RELN: variants seen among roughly 807,000 people sequenced by gnomAD.
RELN encodes the protein reelin.
A neutral mutation model predicts 427.6 loss-of-function variants in RELN; 108 were observed. That is an observed-to-expected ratio of 0.25 (90% CI 0.22 to 0.30). RELN has a LOEUF of 0.30. Ranked by LOEUF, RELN falls within the 10% of genes least tolerant of loss-of-function variation. The probability of loss-of-function intolerance (pLI) is 1.00; values close to 1 mark genes in which losing one functional copy is unlikely to be tolerated. For synonymous variants in RELN, 1,524 were observed against 1,513.4 expected, an observed-to-expected ratio of 1.01 and a Z score of -0.16; for missense variants, 3,715 against 4,302.8, an observed-to-expected ratio of 0.86 and a Z score of 3.82.
At chr7:103,894,576 T>C (rs76402404) in intron 2 of RELN, among the ~76,000 whole-genome samples, 3,699 of 152,216 alleles carry the variant, frequency 0.024, 137 homozygotes, top group African/African-American at 0.085. Flanking sequence ...AATGACATAA[T>C]GGTAATTCCT....
In RELN at chr7:103,491,135, C is replaced by G. The variant is rs536304222; in HGVS notation, c.9444-306G>C. Among the ~76,000 whole-genome samples the G allele has an allele frequency of 1.6e-4, 24 of 152,292 alleles. No individual in the cohort carries two copies. In the South Asian group the frequency reaches 4.8e-3, roughly 30 times the overall value. On this transcript the variant is annotated intron_variant, in intron 58 of 64. Transcript: ENST00000428762. ...ACCTGGAGTTGAATGACAAAATTGT[C>G]TGTCTTCTCAAACTTAATGTAATTA... is the stretch of plus-strand genomic sequence containing the variant.
chr7:103,537,050 A>G (rs1156757136), intron 45 of RELN, among the ~76,000 whole-genome samples: 1 of 152,188 alleles, frequency 6.6e-6, no homozygotes, highest in Non-Finnish European at 1.5e-5. Context: ...ACCACATTTT[A>G]TCAATAGCAA....
intron 1 of RELN, among the ~76,000 whole-genome samples, chr7:103,959,549 A>G (rs780923352): frequency 2.6e-4 from 39 of 152,078 alleles, no homozygotes; most frequent in Non-Finnish European, 5.1e-4. Context: ...AGTAAATGAC[A>G]ACTCCATTCC....
intron 1 of RELN, among the ~76,000 whole-genome samples, chr7:103,950,666 G>C (rs1230808467): frequency 6.6e-6 from 1 of 152,006 alleles, no homozygotes; most frequent in Non-Finnish European, 1.5e-5. Flanking sequence ...CCTTCTACCA[G>C]AAGAAAATTC....
In RELN at chr7:103,519,565, C is replaced by T. The variant is rs199630151; in HGVS notation, c.7669-49G>A. The T allele has an allele frequency of 1.5e-4, 206 of 1,363,448 alleles. No homozygotes were observed. The African/African-American group carries it at 2.9e-3, about 19-fold the overall frequency. The allele number at this position is 1,363,448 out of a possible 1,614,324, so 84.5% of individuals were successfully genotyped here. The stretch of plus-strand genomic sequence containing the variant: ...AAAAAGTGATAAGGAATCTCGATTG[C>T]AGATTATAGATTTTCTATGGATTTT... On this transcript the variant is annotated intron_variant, in intron 48 of 64. Transcript: ENST00000428762.
At chr7:103,866,775 C>T (rs1584312381) in intron 2 of RELN, among the ~76,000 whole-genome samples, 2 of 151,882 alleles carry the variant, frequency 1.3e-5, no homozygotes, top group South Asian at 2.1e-4. Flanking sequence ...GATGAAATAA[C>T]GAATAATATA....
chr7:103,979,581 T>C (rs1584417661), intron 1 of RELN, among the ~76,000 whole-genome samples: 1 of 152,320 alleles, frequency 6.6e-6, no homozygotes, highest in East Asian at 1.9e-4. Flanking sequence ...GTTATCCCAT[T>C]GGGTTTATAT....
intron 8 of RELN, among the ~76,000 whole-genome samples, chr7:103,704,547 C>G (rs1834160050): frequency 6.6e-6 from 1 of 152,048 alleles, no homozygotes; most frequent in South Asian, 2.1e-4. Flanking sequence ...TGTGGTCTAT[C>G]TAGATCCCAC....
chr7:103,835,188 T>C (rs39371), intron 2 of RELN, among the ~76,000 whole-genome samples: 58,265 of 152,030 alleles, frequency 0.38, 11,534 homozygotes, highest in Non-Finnish European at 0.43. Flanking sequence ...TGAAAGAATC[T>C]AATCTGAAAA....
intron 6 of RELN, among the ~76,000 whole-genome samples, chr7:103,746,708 A>T (rs907296787): frequency 2.0e-5 from 3 of 151,908 alleles, no homozygotes; most frequent in African/African-American, 7.3e-5. Context: ...TCAAAACCAC[A>T]ATGAGATACC....
rs193283404 is a variant in RELN at position 103,755,698 on chromosome 7, C to T, written c.545-2484G>A. On this transcript the variant is annotated intron_variant, in intron 4 of 64. Transcript: ENST00000428762. ...AGGTGTGGTGGCGGGTGCCTGTAGTCCCAGCTACTCAGGAGGCTGAGGCAG... is the reference window on the plus strand; with the variant it reads ...AGGTGTGGTGGCGGGTGCCTGTAGTTCCAGCTACTCAGGAGGCTGAGGCAG... 9.7e-4 allele frequency among the ~76,000 whole-genome samples: 144 copies of T among 147,824 alleles called. 5 individuals carry two copies. The East Asian group carries it at 0.022, about 23-fold the overall frequency.
chr7:103,882,479 T>TTTTTG (rs1794629529), intron 2 of RELN, among the ~76,000 whole-genome samples: 1 of 152,068 alleles, frequency 6.6e-6, no homozygotes, highest in Admixed American at 6.6e-5. Context: ...TTTTTTGTAT[T>TTTTTG]TATCCTGTCC....
chr7:103,494,392 T>TGTGTGTGTGTGTGTGG (rs1491417839), intron 57 of RELN, among the ~76,000 whole-genome samples: 1 of 150,568 alleles, frequency 6.6e-6, no homozygotes, highest in South Asian at 2.1e-4. Context: ...TGTGTGTGTG[T>TGTGTGTGTGTGTGTGG]GGGATATGGT....
intron 22 of RELN, among the ~76,000 whole-genome samples, chr7:103,609,639 C>A (rs1240414904): frequency 6.6e-6 from 1 of 152,098 alleles, no homozygotes; most frequent in African/African-American, 2.4e-5. Flanking sequence ...TCAAAATAAT[C>A]AAATAGGCAT....
At chr7:103,611,497 C>G (rs362693) in intron 21 of RELN, 114 bp downstream of exon 21, 1 of 780,082 alleles carries the variant, frequency 1.3e-6, no homozygotes, top group Non-Finnish European at 2.1e-6. Context: ...TTAAATAACA[C>G]TGTTTCTTTT....
At chr7:103,894,344 T>C (rs117980701) in intron 2 of RELN, among the ~76,000 whole-genome samples, 3,947 of 152,276 alleles carry the variant, frequency 0.026, 70 homozygotes, top group Non-Finnish European at 0.042. Flanking sequence ...TCATAAATAA[T>C]TGAAGTTTTA....
rs79975698 is a variant in RELN, at chr7:103,928,838, A to ACG, written c.227-11654_227-11653insCG. 2.4e-3 allele frequency among the ~76,000 whole-genome samples: 361 copies of ACG among 151,948 alleles called. 2 individuals are homozygous for ACG. The highest frequency in any genetic ancestry group is 8.3e-3 in the African/African-American group (342 of 41,450). Reference sequence around the variant, plus strand: ...GATTTTGGGTGAGCACTAAAGAGCAATCACAGCCCTCTGGTGATGTTCTTG... The same window carrying ACG: ...GATTTTGGGTGAGCACTAAAGAGCAACGTCACAGCCCTCTGGTGATGTTCTTG... On this transcript the variant is annotated intron_variant, in intron 1 of 64. Transcript: ENST00000428762.
chr7:103,604,285 G>C, intron 23 of RELN, 61 bp downstream of exon 23: 1 of 1,600,850 alleles, frequency 6.2e-7, no homozygotes, highest in Non-Finnish European at 8.5e-7. Flanking sequence ...AACTGCTGTG[G>C]TATCCTCCAG....
intron 12 of RELN, among the ~76,000 whole-genome samples, chr7:103,657,396 A>C (rs2117402831): frequency 6.6e-6 from 1 of 152,170 alleles, no homozygotes; most frequent in Non-Finnish European, 1.5e-5. Flanking sequence ...ATATATGACA[A>C]TATATACATA....
Sources: gnomAD v4.1 joint callset for allele counts (sites outside exome capture counted in the v4.1 genomes callset) on GRCh38, gnomAD v4.1.1 for gene constraint, MANE v1.5 for transcripts, NCBI Gene and HGNC (gene_info 2026-07-23, HGNC 2026-07-21) for gene names.